RAP1GDS1: variants seen among roughly 807,000 people sequenced by gnomAD.
RAP1GDS1 encodes RAP1, GTP-GDP dissociation stimulator 1.
In RAP1GDS1, 35 loss-of-function variants were observed where a neutral mutation model predicts 71.1. That is an observed-to-expected ratio of 0.49 (90% CI 0.38 to 0.65). The LOEUF (loss-of-function observed/expected upper bound fraction) is 0.65. Ranked by LOEUF, RAP1GDS1 falls within the 30% of genes least tolerant of loss-of-function variation. The pLI, the probability that RAP1GDS1 is intolerant of heterozygous loss-of-function variation, is 0.00. For synonymous variants in RAP1GDS1, 229 were observed against 243.1 expected, an observed-to-expected ratio of 0.94 and a Z score of 0.54; for missense variants, 663 against 706.1, an observed-to-expected ratio of 0.94 and a Z score of 0.69.
intron 12 of RAP1GDS1, among the ~76,000 whole-genome samples, chr4:98,430,321 A>G (rs908791561): frequency 2.0e-5 from 3 of 152,264 alleles, no homozygotes; most frequent in African/African-American, 7.2e-5. Flanking sequence ...TTGAGAGTAT[A>G]CTGCTGCTAA....
chr4:98,441,025 A>G (rs967126648), intron 14 of RAP1GDS1, among the ~76,000 whole-genome samples: 4 of 152,230 alleles, frequency 2.6e-5, no homozygotes, highest in African/African-American at 7.2e-5. Flanking sequence ...GTACCCCACT[A>G]TCTTGATTAT....
At chr4:98,393,012 C>A (rs1578709860) in intron 6 of RAP1GDS1, among the ~76,000 whole-genome samples, 1 of 152,244 alleles carries the variant, frequency 6.6e-6, no homozygotes, top group East Asian at 1.9e-4. Flanking sequence ...TTTCTTCTTC[C>A]CCACGCCCCC....
At chr4:98,362,048 A>G (rs555297627) in intron 4 of RAP1GDS1, among the ~76,000 whole-genome samples, 6 of 152,184 alleles carry the variant, frequency 3.9e-5, no homozygotes, top group Non-Finnish European at 5.9e-5. Context: ...TTTTATTTGA[A>G]TGCTGAAAAC....
intron 13 of RAP1GDS1, among the ~76,000 whole-genome samples, chr4:98,435,462 T>C (rs1361997800): frequency 6.6e-6 from 1 of 151,880 alleles, no homozygotes; most frequent in Non-Finnish European, 1.5e-5. Context: ...GAAGAGAAAA[T>C]ATATTTACTA....
At chr4:98,416,513 AT>A (rs898699160) in intron 7 of RAP1GDS1, among the ~76,000 whole-genome samples, 3 of 148,972 alleles carry the variant, frequency 2.0e-5, no homozygotes, top group African/African-American at 4.9e-5. Flanking sequence ...CACCTGGCTA[AT>A]TTTTTTTTGT....
chr4:98,318,130 A>G (rs1731221352), intron 2 of RAP1GDS1, among the ~76,000 whole-genome samples: 1 of 152,164 alleles, frequency 6.6e-6, no homozygotes, highest in African/African-American at 2.4e-5. Context: ...GGCGTGAGCC[A>G]CCGCGTCCAG....
intron 2 of RAP1GDS1, among the ~76,000 whole-genome samples, chr4:98,317,830 T>TA (rs11384965): frequency 6.7e-6 from 1 of 149,204 alleles, no homozygotes; most frequent in Non-Finnish European, 1.5e-5. Context: ...ATATATATTT[T>TA]TTTTTCTTTT....
At position 98,420,105 on chromosome 4, in the gene RAP1GDS1, A is replaced by G; in HGVS notation, c.1261A>G (p.Lys421Glu). ...ATCTGAAATGCCTCCTGTTCAGTTC[A>G]AACTTCTGGGAACATTAAGAATGTT... ...LKSEMPPVQF[K>E]LLGTLRMLID... The change falls in exon 11 of 15, where the codon AAA becomes GAA. Residue 421 changes from lysine (K) to glutamate (E), a missense_variant. Coordinates refer to ENST00000408927, the MANE Select transcript of RAP1GDS1 (RefSeq NM_001100427.2). 1 of 1,598,288 alleles carries G rather than the reference A, an allele frequency of 6.3e-7. No individual in the cohort carries two copies. The highest frequency in any genetic ancestry group is 8.5e-7 in the Non-Finnish European group (1 of 1,172,078).
rs997051062 is a variant in RAP1GDS1 at position 98,443,581 on chromosome 4, G to A, written c.*1464G>A. On this transcript the variant is annotated 3_prime_UTR_variant, in exon 15 of 15. Transcript: ENST00000408927. Reference sequence around the variant, plus strand: ...CCAACATGTGATGCTACACATCTCTGTGGATAATCTAAGTTGGACTTTTGA... The same window carrying A: ...CCAACATGTGATGCTACACATCTCTATGGATAATCTAAGTTGGACTTTTGA... The A allele has an allele frequency of 4.5e-6, 1 of 221,802 alleles. No homozygotes were observed. Among genetic ancestry groups the A allele is most frequent in the Admixed American group, 5.8e-5 (1 of 17,346 alleles). The allele number at this position is 221,802 out of a possible 1,614,324, so 13.7% of individuals were successfully genotyped here.
intron 1 of RAP1GDS1, among the ~76,000 whole-genome samples, chr4:98,279,367 A>T (rs1724715968): frequency 6.6e-6 from 1 of 151,910 alleles, no homozygotes; most frequent in Admixed American, 6.6e-5. Flanking sequence ...TACATAAATG[A>T]TATATAATTT....
At chr4:98,300,732 C>A (rs1042997120) in intron 2 of RAP1GDS1, among the ~76,000 whole-genome samples, 19 of 151,502 alleles carry the variant, frequency 1.3e-4, no homozygotes, top group African/African-American at 4.6e-4. Context: ...TATTGGGAAA[C>A]CAAAAAACAA....
At chr4:98,334,624 A>C (rs1423658494) in intron 2 of RAP1GDS1, among the ~76,000 whole-genome samples, 1 of 152,262 alleles carries the variant, frequency 6.6e-6, no homozygotes, top group South Asian at 2.1e-4. Context: ...AAGACTTTCA[A>C]GTGTTTGATC....
intron 2 of RAP1GDS1, among the ~76,000 whole-genome samples, chr4:98,300,039 A>T (rs1477628586): frequency 1.3e-5 from 2 of 152,236 alleles, no homozygotes; most frequent in Non-Finnish European, 2.9e-5. Flanking sequence ...AGGGTTTGAA[A>T]GAATTGACTC....
chr4:98,378,686 C>G (rs1560927745), intron 4 of RAP1GDS1, among the ~76,000 whole-genome samples: 1 of 151,726 alleles, frequency 6.6e-6, no homozygotes, highest in Non-Finnish European at 1.5e-5. Flanking sequence ...CTGTTTTTTT[C>G]TCTTACACAG....
At chr4:98,388,730 A>T (rs993626237) in intron 5 of RAP1GDS1, among the ~76,000 whole-genome samples, 28 of 149,988 alleles carry the variant, frequency 1.9e-4, no homozygotes, top group African/African-American at 4.1e-4. Flanking sequence ...CGTCTCAAAA[A>T]TTTTTTTTTT....
rs5860532 is a variant in RAP1GDS1, at chr4:98,296,029, A to AAACAAC, written c.112+2538_112+2543dup. 7.9e-3 allele frequency among the ~76,000 whole-genome samples: 1,186 copies of AAACAAC among 150,418 alleles called. 11 individuals carry two copies. Among genetic ancestry groups the AAACAAC allele is most frequent in the East Asian group, 0.049 (249 of 5,072 alleles). ...TTAGAAGAATCTGTACTTGCTTTTT[A>AAACAAC]AACAACAACAACAACAACAACAACA... On this transcript the variant is annotated intron_variant, in intron 2 of 14. Coordinates refer to ENST00000408927, the MANE Select transcript of RAP1GDS1 (RefSeq NM_001100427.2).
intron 7 of RAP1GDS1, among the ~76,000 whole-genome samples, chr4:98,412,338 C>A (rs1289338939): frequency 6.6e-6 from 1 of 152,050 alleles, no homozygotes; most frequent in East Asian, 1.9e-4. Context: ...CATAGTGAGA[C>A]CCTGTCTCTA....
At chr4:98,283,268 A>T (rs566077421) in intron 1 of RAP1GDS1, among the ~76,000 whole-genome samples, 4 of 152,298 alleles carry the variant, frequency 2.6e-5, no homozygotes, top group African/African-American at 9.6e-5. Context: ...TCCAAAATAC[A>T]GTTAGAGCAA....
chr4:98,409,926 A>G (rs781168839), intron 7 of RAP1GDS1, among the ~76,000 whole-genome samples: 4 of 152,210 alleles, frequency 2.6e-5, no homozygotes, highest in Non-Finnish European at 4.4e-5. Context: ...TTCTTAGATC[A>G]CAAAAAGCTC....
Sources: allele counts gnomAD v4.1 joint callset (sites outside exome capture counted in the v4.1 genomes callset), GRCh38; gene constraint gnomAD v4.1.1; transcripts MANE v1.5; gene names NCBI Gene and HGNC (gene_info 2026-07-23, HGNC 2026-07-21).